Variants in KIT observed in about 807,000 individuals in gnomAD.
KIT encodes the protein KIT proto-oncogene, receptor tyrosine kinase.
A neutral mutation model predicts 105.7 loss-of-function variants in KIT; 16 were observed. That is an observed-to-expected ratio of 0.15 (90% confidence interval 0.10 to 0.23). The LOEUF (loss-of-function observed/expected upper bound fraction) is 0.23, where lower values mean the gene tolerates loss of function less well. Among genes scored for constraint, KIT ranks in the 10% least tolerant of loss-of-function variants. The probability of loss-of-function intolerance (pLI) is 1.00; values close to 1 mark genes in which losing one functional copy is unlikely to be tolerated. For missense variants in KIT, 858 were observed against 1,213.8 expected (o/e 0.71, Z 4.36); for synonymous variants, 438 against 441.1 (o/e 0.99, Z 0.09).
chr4:54,660,904 C>T (rs1032189568), intron 1 of KIT, among the ~76,000 whole-genome samples: 1 of 152,076 alleles, frequency 6.6e-6, no homozygotes, highest in Non-Finnish European at 1.5e-5. Context: ...ACAGGATGGC[C>T]AATGTCACTA....
At chr4:54,679,805 A>G (rs1000867733) in intron 1 of KIT, among the ~76,000 whole-genome samples, 6 of 152,250 alleles carry the variant, frequency 3.9e-5, no homozygotes, top group Non-Finnish European at 5.9e-5. Context: ...AATATAGCAT[A>G]TACACAGTGG....
At chr4:54,661,675 A>G in intron 1 of KIT, among the ~76,000 whole-genome samples, 1 of 152,258 alleles carries the variant, frequency 6.6e-6, no homozygotes, top group East Asian at 1.9e-4. Context: ...CAGGAATCCA[A>G]ATATGCAAAT....
Position 54,738,695 on chromosome 4 carries a change from A to G in KIT, c.*138A>G. On this transcript the variant is annotated 3_prime_UTR_variant, in exon 21 of 21. Coordinates refer to ENST00000288135, the MANE Select transcript of KIT (RefSeq NM_000222.3). ...ACTGCAATCCTGTCTTTCTGAGCAC[A>G]CTTTAGTGGCCGATGATTTTTGTCA... 6 of 1,085,108 alleles carry G rather than the reference A, an allele frequency of 5.5e-6. No individual in the cohort carries two copies. In the South Asian group the frequency reaches 6.2e-5, roughly 11 times the overall value. 67.2% of individuals were successfully genotyped at this position (1,085,108 alleles called of 1,614,324 possible). A position where few individuals can be genotyped will look rare whatever the true frequency, so the allele number is the denominator to read the frequency against.
At chr4:54,713,236 T>A (rs1415356634) in intron 7 of KIT, among the ~76,000 whole-genome samples, 2 of 152,070 alleles carry the variant, frequency 1.3e-5, no homozygotes, top group African/African-American at 4.8e-5. Flanking sequence ...ACTATACCCG[T>A]GTATAGTCTT....
chr4:54,738,003 T>C (rs745322950), intron 20 of KIT, among the ~76,000 whole-genome samples: 1 of 152,336 alleles, frequency 6.6e-6, no homozygotes, highest in East Asian at 1.9e-4. Context: ...TCAAAACATG[T>C]TTCAAATTGA....
At chr4:54,730,904 A>G (rs1052134832) in intron 14 of KIT, among the ~76,000 whole-genome samples, 15 of 152,102 alleles carry the variant, frequency 9.9e-5, no homozygotes, top group African/African-American at 3.6e-4. Context: ...TCCATCAGTC[A>G]CTATATGTTA....
chr4:54,710,639 G>GT (rs1169804724), intron 7 of KIT, among the ~76,000 whole-genome samples: 1 of 151,176 alleles, frequency 6.6e-6, no homozygotes, highest in African/African-American at 2.4e-5. Flanking sequence ...CACCTCCCAG[G>GT]TTCAAGTGAT....
At chr4:54,726,920 G>A (rs931818555) in intron 9 of KIT, among the ~76,000 whole-genome samples, 10 of 152,098 alleles carry the variant, frequency 6.6e-5, no homozygotes, top group Non-Finnish European at 1.3e-4. Context: ...GCAGGAATTT[G>A]ATTGAAGTAT....
In KIT at chr4:54,736,533, C is replaced by T. The variant is rs1060502553; in HGVS notation, c.2520C>T (p.Ser840=). The T allele has an allele frequency of 1.2e-6, 2 of 1,614,072 alleles. No homozygotes were observed. Residue 840 remains serine (S), a synonymous_variant, in exon 18 of 21, where the codon AGC becomes AGT. Coordinates refer to ENST00000288135, the MANE Select transcript of KIT (RefSeq NM_000222.3). The stretch of plus-strand genomic sequence containing the variant: ...CTGTGAAGTGGATGGCACCTGAAAG[C>T]ATTTTCAACTGTGTATACACGTTTG... ...RLPVKWMAPE[S]IFNCVYTFES...
At chr4:54,658,470 C>T (rs1716981328) in intron 1 of KIT, among the ~76,000 whole-genome samples, 1 of 151,958 alleles carries the variant, frequency 6.6e-6, no homozygotes. Context: ...CGAGGCGCGG[C>T]CGCAGCTTCC....
intron 4 of KIT, among the ~76,000 whole-genome samples, chr4:54,701,246 A>T (rs1031078795): frequency 6.6e-6 from 1 of 152,216 alleles, no homozygotes; most frequent in African/African-American, 2.4e-5. Flanking sequence ...AAGGAAAACC[A>T]AATCACGTGC....
Position 54,695,638 on chromosome 4 carries a change from A to G in KIT, c.194A>G (p.Lys65Arg), listed in dbSNP as rs1560393475. 6.2e-7 allele frequency: 1 copy of G among 1,614,234 alleles called. No individual in the cohort carries two copies. The highest frequency in any genetic ancestry group is 8.5e-7 in the Non-Finnish European group (1 of 1,180,042). Residue 65 changes from lysine to arginine, a missense_variant, in exon 2 of 21, where the codon AAA becomes AGA. By Grantham distance (26) the Lys-to-Arg change is conservative (BLOSUM62 2). This residue lies in a region of KIT where 401 missense variants were observed against 601.0 expected (regional missense o/e 0.67). Coordinates refer to ENST00000288135, the MANE Select transcript of KIT (RefSeq NM_000222.3). ...TTATGCACTGATCCGGGCTTTGTCA[A>G]ATGGACTTTTGAGATCCTGGATGAA... ...RLLCTDPGFVKWTFEILDETN... is the reference protein window; with the variant it reads ...RLLCTDPGFVRWTFEILDETN...
chr4:54,704,957 C>T (rs1042186504), intron 5 of KIT, among the ~76,000 whole-genome samples: 5 of 152,160 alleles, frequency 3.3e-5, no homozygotes, highest in Admixed American at 3.3e-4. Flanking sequence ...TGGAAAGTTT[C>T]TCCCCAGACT....
At chr4:54,736,954 C>A in intron 19 of KIT, 134 bp downstream of exon 19, 1 of 755,718 alleles carries the variant, frequency 1.3e-6, no homozygotes, top group Non-Finnish European at 2.3e-6. Flanking sequence ...ACACACTGGT[C>A]AAATGTCATT....
chr4:54,691,851 G>A (rs1719734456), intron 1 of KIT, among the ~76,000 whole-genome samples: 1 of 152,082 alleles, frequency 6.6e-6, no homozygotes, highest in Non-Finnish European at 1.5e-5. Flanking sequence ...GATACAGGGT[G>A]TGTGGAGGGG....
chr4:54,664,889 GT>G (rs35585711), intron 1 of KIT, among the ~76,000 whole-genome samples: 43,136 of 141,010 alleles, frequency 0.31, 7,070 homozygotes, highest in Admixed American at 0.42. Context: ...CACCTGGCCT[GT>G]TTTTTTTTTT....
chr4:54,668,384 G>C (rs912456726), intron 1 of KIT, among the ~76,000 whole-genome samples: 1 of 152,228 alleles, frequency 6.6e-6, no homozygotes, highest in Non-Finnish European at 1.5e-5. Context: ...CCTTTACCTT[G>C]TATTTTAAAT....
At chr4:54,669,725 G>A (rs1274921601) in intron 1 of KIT, among the ~76,000 whole-genome samples, 2 of 150,386 alleles carry the variant, frequency 1.3e-5, no homozygotes, top group African/African-American at 4.9e-5. Context: ...AAAAAAGAAA[G>A]ATGTAATTTG....
rs56411694 is a variant in KIT, at chr4:54,695,696, G to T, written c.252G>T (p.Thr84=). 3.6e-3 allele frequency: 5,859 copies of T among 1,614,180 alleles called. 157 individuals are homozygous for T. In the African/African-American group the frequency reaches 0.063, roughly 17 times the overall value. The change falls in exon 2 of 21, where the codon ACG becomes ACT. Residue 84 remains threonine (T), a synonymous_variant. Transcript: ENST00000288135. ...TNENKQNEWI[T]EKAEATNTGK... ...AGAATAAGCAGAATGAATGGATCAC[G>T]GAAAAGGCAGAAGCCACCAACACCG...
Sources: allele counts gnomAD v4.1 joint callset (sites outside exome capture counted in the v4.1 genomes callset), GRCh38; gene constraint gnomAD v4.1.1; regional missense constraint gnomAD v4.1.1; transcripts MANE v1.5; gene names NCBI Gene and HGNC (gene_info 2026-07-23, HGNC 2026-07-21).